The following PIK3R1 variants were observed in gnomAD, a reference collection of about 807,000 sequenced individuals.
The protein encoded by PIK3R1 is phosphatidylinositol 3-kinase regulatory subunit alpha.
In PIK3R1, 29 loss-of-function variants were observed where a neutral mutation model predicts 98.0. The ratio of observed to expected loss-of-function variants is 0.30; its 90% CI spans 0.22 to 0.40. PIK3R1 has a LOEUF of 0.40. Ranked by LOEUF, PIK3R1 falls within the 10% of genes least tolerant of loss-of-function variation. PIK3R1 has a pLI of 1.00. For missense variants in PIK3R1, 596 were observed against 872.7 expected, an observed-to-expected ratio of 0.68 and a Z score of 3.99; for synonymous variants, 282 against 311.8, an observed-to-expected ratio of 0.90 and a Z score of 1.01.
rs1225327486 is a variant in PIK3R1 at position 68,273,441 on chromosome 5, C to T, written c.386C>T (p.Pro129Leu). ...CAGTTTGCCCCTCCTGACATTGCCCCGCCTCTTCTTATCAAGCTCGTGGAA... is the reference window on the plus strand; with the variant it reads ...CAGTTTGCCCCTCCTGACATTGCCCTGCCTCTTCTTATCAAGCTCGTGGAA... ...AEQFAPPDIA[P>L]PLLIKLVEAI... Residue 129 changes from proline (P) to leucine (L), a missense_variant, in exon 3 of 16, where the codon CCG becomes CTG. Pro to Leu is a moderately conservative substitution (Grantham distance 98, BLOSUM62 -3). Coordinates refer to ENST00000521381, the MANE Select transcript of PIK3R1 (RefSeq NM_181523.3). 4.3e-6 allele frequency: 7 copies of T among 1,613,924 alleles called. No individual in the cohort carries two copies. The highest frequency in any genetic ancestry group is 1.7e-5 in the Admixed American group (1 of 59,980).
At chr5:68,220,031 G>A (rs1328140326) in intron 1 of PIK3R1, among the ~76,000 whole-genome samples, 2 of 152,118 alleles carry the variant, frequency 1.3e-5, no homozygotes, top group South Asian at 2.1e-4. Context: ...TAAGTACTAT[G>A]TTGGCATTAA....
rs535695495 is a variant in PIK3R1, at chr5:68,264,854, C to T, written c.335-8536C>T. ...GTGCACAGGGCAGCAGAGCTCCTGGCTGCTAGTCTCTCTTTTGATACCTAA... is the reference window on the plus strand; with the variant it reads ...GTGCACAGGGCAGCAGAGCTCCTGGTTGCTAGTCTCTCTTTTGATACCTAA... On this transcript the variant is annotated intron_variant, in intron 2 of 15. Coordinates refer to ENST00000521381, the MANE Select transcript of PIK3R1 (RefSeq NM_181523.3). 9.8e-5 allele frequency among the ~76,000 whole-genome samples: 15 copies of T among 152,312 alleles called. No homozygotes were observed. In the South Asian group the frequency reaches 3.1e-3, roughly 32 times the overall value.
Position 68,300,304 on chromosome 5 carries a change from C to T in PIK3R1, c.*2703C>T. The T allele has an allele frequency of 4.3e-6, 1 of 233,094 alleles. No homozygotes were observed. The highest frequency in any genetic ancestry group is 8.5e-6 in the Non-Finnish European group (1 of 117,944). The allele number at this position is 233,094 out of a possible 1,614,324, so 14.4% of individuals were successfully genotyped here. A position where few individuals can be genotyped will look rare whatever the true frequency, so the allele number is the denominator to read the frequency against. ...TGATTACAGTGTAGCTTGCCCACCG[C>T]ATTTGTCGTTTTAGATACTTTGCTA... On this transcript the variant is annotated 3_prime_UTR_variant, in exon 16 of 16. Coordinates refer to ENST00000521381, the MANE Select transcript of PIK3R1 (RefSeq NM_181523.3).
rs1561303683 is a variant in PIK3R1 at position 68,298,752 on chromosome 5, A to G, written c.*1151A>G. 1 of 233,380 alleles carries G rather than the reference A, an allele frequency of 4.3e-6. No individual in the cohort carries two copies. Among genetic ancestry groups the G allele is most frequent in the Non-Finnish European group, 8.5e-6 (1 of 117,944 alleles). 14.5% of individuals were successfully genotyped at this position (233,380 alleles called of 1,614,324 possible). ...TATTCAATAAAAAAAAGAAATGAAA[A>G]AGATATATGAATATGACAAAGTATT... On this transcript the variant is annotated 3_prime_UTR_variant, in exon 16 of 16. Transcript: ENST00000521381.
chr5:68,272,389 A>G (rs764418685), intron 2 of PIK3R1, among the ~76,000 whole-genome samples: 2 of 152,190 alleles, frequency 1.3e-5, no homozygotes, highest in Non-Finnish European at 2.9e-5. Flanking sequence ...AATTATTCCT[A>G]GAAAAGACTG....
chr5:68,274,076 A>G (rs1442081595), intron 4 of PIK3R1, 63 bp downstream of exon 4: 1 of 1,196,960 alleles, frequency 8.4e-7, no homozygotes, highest in African/African-American at 1.5e-5. Flanking sequence ...TGTTTCAGGT[A>G]ATGCACACAC....
rs2112259247 is a variant in PIK3R1 at position 68,293,429 on chromosome 5, G to A, written c.1245G>A (p.Gln415=). Residue 415 remains glutamine, a synonymous_variant, in exon 10 of 16, where the codon CAG becomes CAA. Transcript: ENST00000521381. ...ACTACCGGAATGAATCTCTAGCTCAGTATAATCCCAAATTGGATGTGAAAT... is the reference window on the plus strand; with the variant it reads ...ACTACCGGAATGAATCTCTAGCTCAATATAATCCCAAATTGGATGTGAAAT... The part of the protein sequence containing the change: ...INHYRNESLA[Q]YNPKLDVKLL... 1 of 1,613,358 alleles carries A rather than the reference G, an allele frequency of 6.2e-7. No homozygotes were observed. The highest frequency in any genetic ancestry group is 1.1e-5 in the South Asian group (1 of 91,006).
At chr5:68,284,024 G>GA (rs71610589) in intron 7 of PIK3R1, among the ~76,000 whole-genome samples, 2 of 151,780 alleles carry the variant, frequency 1.3e-5, no homozygotes, top group South Asian at 2.1e-4. Flanking sequence ...CTGTGCAGTG[G>GA]AAAAAAAAGT....
intron 2 of PIK3R1, among the ~76,000 whole-genome samples, chr5:68,236,244 T>G (rs959032189): frequency 4.6e-5 from 7 of 150,712 alleles, no homozygotes; most frequent in South Asian, 2.1e-4. Flanking sequence ...TATAACCTTT[T>G]TTTGTTTGTT....
At chr5:68,294,833 A>G (rs1747608793) in intron 12 of PIK3R1, among the ~76,000 whole-genome samples, 155 bp downstream of exon 12, 2 of 151,814 alleles carry the variant, frequency 1.3e-5, no homozygotes, top group Middle Eastern at 6.8e-3. Context: ...GGAGGGAGGG[A>G]TAGCATTGGG....
intron 7 of PIK3R1, chr5:68,290,817 T>C: frequency 6.2e-7 from 1 of 1,611,762 alleles, no homozygotes; most frequent in Non-Finnish European, 8.5e-7. Flanking sequence ...ATGTTTTATA[T>C]AGAAATGGAC....
intron 7 of PIK3R1, chr5:68,290,687 CTT>C (rs1039364143): frequency 6.3e-7 from 1 of 1,584,282 alleles, no homozygotes; most frequent in Non-Finnish European, 8.6e-7. Context: ...AAGCCGGACT[CTT>C]TTCTTATAAC....
intron 2 of PIK3R1, among the ~76,000 whole-genome samples, chr5:68,262,746 TAG>T (rs1745862919): frequency 7.0e-6 from 1 of 142,742 alleles, no homozygotes. Context: ...TAGATGCATG[TAG>T]ATACATGTAT....
Position 68,233,301 on chromosome 5 carries a change from T to A in PIK3R1, c.334+6292T>A, listed in dbSNP as rs538696397. ...GCTAACAGATTTCCATGGGGAAGGA[T>A]GTAGCACTGGTCTGAAGTCTCAGAT... is the stretch of plus-strand genomic sequence containing the variant. On this transcript the variant is annotated intron_variant, in intron 2 of 15. Coordinates refer to ENST00000521381, the MANE Select transcript of PIK3R1 (RefSeq NM_181523.3). Among the ~76,000 whole-genome samples, 3 of 152,380 alleles carry A rather than the reference T, an allele frequency of 2.0e-5. No homozygotes were observed. In the South Asian group the frequency reaches 6.2e-4, roughly 32 times the overall value.
At chr5:68,232,133 T>TATTAGGC (rs1229364152) in intron 2 of PIK3R1, among the ~76,000 whole-genome samples, 1 of 152,210 alleles carries the variant, frequency 6.6e-6, no homozygotes, top group Non-Finnish European at 1.5e-5. Flanking sequence ...GCTAATTATT[T>TATTAGGC]TGAATAAAAT....
chr5:68,240,362 T>C (rs981188828), intron 2 of PIK3R1, among the ~76,000 whole-genome samples: 2 of 152,360 alleles, frequency 1.3e-5, no homozygotes, highest in South Asian at 4.1e-4. Flanking sequence ...AACTGTCACT[T>C]GTGGTCTAAT....
Position 68,296,272 on chromosome 5 carries a change from G to A in PIK3R1, c.1916G>A (p.Arg639Gln), listed in dbSNP as rs767725392. Residue 639 changes from arginine (R) to glutamine (Q), a missense_variant, in exon 15 of 16, where the codon CGA becomes CAA. Arg to Gln is a conservative substitution (Grantham distance 43). Around this residue, in one of 3 missense-constraint regions of PIK3R1, gnomAD observed 207 missense variants for 361.4 expected, o/e 0.57. Transcript: ENST00000521381. ...SNRNKAENLL[R>Q]GKRDGTFLVR... is the part of the protein sequence containing the mutation. ...CGAAACAAAGCTGAAAACCTGTTGC[G>A]AGGGAAGCGAGATGGCACTTTTCTT... is the stretch of plus-strand genomic sequence containing the variant. 10 of 1,614,090 alleles carry A rather than the reference G, an allele frequency of 6.2e-6. No individual in the cohort carries two copies. The highest frequency in any genetic ancestry group is 2.2e-5 in the South Asian group (2 of 91,084).
intron 8 of PIK3R1, 162 bp from the exon 9 acceptor site, chr5:68,292,939 A>G: frequency 1.5e-6 from 1 of 684,718 alleles, no homozygotes; most frequent in Admixed American, 3.2e-5. Context: ...GCAATTCATT[A>G]ATTTAAATCT....
intron 2 of PIK3R1, among the ~76,000 whole-genome samples, chr5:68,233,831 T>G (rs777964697): frequency 6.6e-5 from 10 of 152,200 alleles, no homozygotes; most frequent in Non-Finnish European, 1.3e-4. Flanking sequence ...CCCAATGGCT[T>G]TATACCACCT....
Sources: allele counts gnomAD v4.1 joint callset (sites outside exome capture counted in the v4.1 genomes callset), GRCh38; gene constraint gnomAD v4.1.1; regional missense constraint gnomAD v4.1.1; transcripts MANE v1.5; gene names NCBI Gene and HGNC (gene_info 2026-07-23, HGNC 2026-07-21).